The following HERC3 variants were observed in gnomAD, a reference collection of about 807,000 sequenced individuals.
HERC3 encodes the protein HECT and RLD domain containing E3 ubiquitin protein ligase 3, also known as probable E3 ubiquitin-protein ligase HERC3.
HERC3 carries 58 observed loss-of-function variants against 129.9 expected under a neutral mutation model. The observed-to-expected ratio is 0.45, with a 90% confidence interval of 0.36 to 0.56. The LOEUF is 0.56. Ranked by LOEUF, HERC3 falls within the 20% of genes least tolerant of loss-of-function variation. The pLI, the probability that HERC3 is intolerant of heterozygous loss-of-function variation, is 0.00. For synonymous variants in HERC3, 430 were observed against 451.0 expected (o/e 0.95, Z 0.59); for missense variants, 835 against 1,244.2 (o/e 0.67, Z 4.95).
intron 3 of HERC3, among the ~76,000 whole-genome samples, chr4:88,630,403 A>G (rs1236606384): frequency 6.6e-6 from 1 of 152,122 alleles, no homozygotes; most frequent in Admixed American, 6.5e-5. Context: ...TTTGATTTTG[A>G]TTATTACAGA....
At chr4:88,692,428 T>A (rs3756051) in intron 23 of HERC3, among the ~76,000 whole-genome samples, 53,477 of 151,752 alleles carry the variant, frequency 0.35, 10,383 homozygotes, top group African/African-American at 0.51. Flanking sequence ...TTAAGGTAAG[T>A]GCTTCAAAGG....
At position 88,676,125 on chromosome 4, in the gene HERC3, T is replaced by C. The variant is rs367741790; in HGVS notation, c.1912-93T>C. The C allele has an allele frequency of 2.5e-4, 233 of 919,400 alleles. 2 individuals carry two copies. The South Asian group carries it at 3.4e-3, about 14-fold the overall frequency. The allele number at this position is 919,400 out of a possible 1,614,324, so 57.0% of individuals were successfully genotyped here. A position where few individuals can be genotyped will look rare whatever the true frequency, so the allele number is the denominator to read the frequency against. On this transcript the variant is annotated intron_variant, in intron 16 of 25. Coordinates refer to ENST00000402738, the MANE Select transcript of HERC3 (RefSeq NM_014606.3). ...GTTCTATGGCCAGTAGTCAGATTGG[T>C]TCTGTGTTTTGTTATTTATATTTTA...
At chr4:88,548,809 C>T in the HERC3 span, among the ~76,000 whole-genome samples, 1 of 151,906 alleles carries the variant, frequency 6.6e-6, no homozygotes, top group Non-Finnish European at 1.5e-5. Flanking sequence ...TACAGGCGCA[C>T]ACCACCACGC....
At chr4:88,690,012 T>A in intron 23 of HERC3, 5 of 985,302 alleles carry the variant, frequency 5.1e-6, no homozygotes, top group Non-Finnish European at 6.0e-6. Context: ...AGCTATAGTA[T>A]CAGAGTTGAG....
chr4:88,608,991 T>C (rs1164170613), intron 3 of HERC3, among the ~76,000 whole-genome samples: 1 of 151,296 alleles, frequency 6.6e-6, no homozygotes, highest in Non-Finnish European at 1.5e-5. Context: ...ATCTCTAATC[T>C]AAAATGAGGA....
At chr4:88,562,945 G>C in the HERC3 span, among the ~76,000 whole-genome samples, 1 of 152,262 alleles carries the variant, frequency 6.6e-6, no homozygotes, top group Non-Finnish European at 1.5e-5. Flanking sequence ...GATTTCTCCA[G>C]TTTTGTTTCT....
chr4:88,663,252 T>G (rs995670877), intron 11 of HERC3, among the ~76,000 whole-genome samples: 9 of 152,166 alleles, frequency 5.9e-5, no homozygotes, highest in African/African-American at 2.2e-4. Context: ...CGCTACACTT[T>G]GAGGCACTTG....
At chr4:88,617,175 CAAAAAAAAAAAAAAA>C (rs1162260456) in intron 3 of HERC3, among the ~76,000 whole-genome samples, 1 of 31,860 alleles carries the variant, frequency 3.1e-5, no homozygotes, top group Admixed American at 3.8e-4. Flanking sequence ...ACCCTGTCTC[CAAAAAAAAAAAAAAA>C]AAAAAAAAAA....
At chr4:88,555,887 G>T in the HERC3 span, among the ~76,000 whole-genome samples, 2 of 152,164 alleles carry the variant, frequency 1.3e-5, no homozygotes, top group Non-Finnish European at 2.9e-5. Context: ...CCAGTGAGAA[G>T]CTAGTAAGCT....
At chr4:88,534,679 G>A in the HERC3 span, among the ~76,000 whole-genome samples, 1 of 151,730 alleles carries the variant, frequency 6.6e-6, no homozygotes, top group South Asian at 2.1e-4. Context: ...CATGCTCTCA[G>A]AAAAAAATAA....
chr4:88,679,438 CATT>C (rs1322939804), intron 19 of HERC3, among the ~76,000 whole-genome samples: 1 of 151,424 alleles, frequency 6.6e-6, no homozygotes, highest in Admixed American at 6.6e-5. Flanking sequence ...ATTTACCTCT[CATT>C]ATATATTTGA....
chr4:88,699,383 G>T (rs1251646915), intron 23 of HERC3, among the ~76,000 whole-genome samples: 1 of 62,838 alleles, frequency 1.6e-5, no homozygotes, highest in East Asian at 6.2e-4. Flanking sequence ...TCTTCCCCAC[G>T]ATCTGTCTTC....
intron 23 of HERC3, among the ~76,000 whole-genome samples, 174 bp downstream of exon 23, chr4:88,687,473 C>T (rs1263615857): frequency 6.6e-6 from 1 of 152,162 alleles, no homozygotes; most frequent in Non-Finnish European, 1.5e-5. Flanking sequence ...GCAGAGCAAG[C>T]ACCCGGCCTA....
chr4:88,579,271 G>T, the HERC3 span, among the ~76,000 whole-genome samples: 4 of 149,328 alleles, frequency 2.7e-5, no homozygotes, highest in South Asian at 8.4e-4. Flanking sequence ...GCCAGGTGTG[G>T]TGGCACATGC....
At chr4:88,554,323 C>A in the HERC3 span, among the ~76,000 whole-genome samples, 7,348 of 135,044 alleles carry the variant, frequency 0.054, 249 homozygotes, top group Middle Eastern at 0.18. Flanking sequence ...CCAGCCTGGG[C>A]GACAGAGGGA....
chr4:88,556,070 A>T, the HERC3 span, among the ~76,000 whole-genome samples: 1 of 152,234 alleles, frequency 6.6e-6, no homozygotes, highest in African/African-American at 2.4e-5. Flanking sequence ...CAAAGGACTC[A>T]CATTTATTTT....
chr4:88,578,352 C>T, the HERC3 span, among the ~76,000 whole-genome samples: 3 of 152,132 alleles, frequency 2.0e-5, no homozygotes, highest in South Asian at 2.1e-4. Context: ...GAGGACGAGG[C>T]GGGTAGATCA....
chr4:88,687,191 ATTTC>A, intron 22 of HERC3, 22 bp from the exon 23 acceptor site: 1 of 1,561,034 alleles, frequency 6.4e-7, no homozygotes, highest in South Asian at 1.1e-5. Flanking sequence ...AAATTGAAAT[ATTTC>A]TTTTTTCCAC....
In HERC3 at chr4:88,700,992, A is replaced by G. The variant is rs79969136; in HGVS notation, c.2658-3106A>G. 7.0e-3 allele frequency among the ~76,000 whole-genome samples: 1,071 copies of G among 152,336 alleles called. 9 individuals are homozygous for G. Among genetic ancestry groups the G allele is most frequent in the African/African-American group, 0.023 (941 of 41,558 alleles). On this transcript the variant is annotated intron_variant, in intron 23 of 25. Coordinates refer to ENST00000402738, the MANE Select transcript of HERC3 (RefSeq NM_014606.3). Reference sequence around the variant, plus strand: ...TTAAATGTTCATCCCAACTAAAAAAATATCTTAACAACATCCAGACTGGTG... The same window carrying G: ...TTAAATGTTCATCCCAACTAAAAAAGTATCTTAACAACATCCAGACTGGTG...
Sources: gnomAD v4.1 joint callset for allele counts (sites outside exome capture counted in the v4.1 genomes callset) on GRCh38, gnomAD v4.1.1 for gene constraint, MANE v1.5 for transcripts, NCBI Gene and HGNC (gene_info 2026-07-23, HGNC 2026-07-21) for gene names.